The following PRKG1 variants were observed in gnomAD, a reference collection of about 807,000 sequenced individuals.
PRKG1 encodes cGMP-dependent protein kinase 1.
A neutral mutation model predicts 88.1 loss-of-function variants in PRKG1; 35 were observed. That is an observed-to-expected ratio of 0.40 (90% CI 0.30 to 0.53). PRKG1 has a LOEUF of 0.53. PRKG1 is among the 20% of genes least tolerant of loss of function. PRKG1 has a pLI of 0.59. For synonymous variants in PRKG1, 303 were observed against 292.5 expected (o/e 1.04, Z -0.37); for missense variants, 540 against 839.8 (o/e 0.64, Z 4.41).
chr10:51,989,240 A>T (rs149711840), intron 5 of PRKG1, among the ~76,000 whole-genome samples: 1 of 152,240 alleles, frequency 6.6e-6, no homozygotes, highest in Non-Finnish European at 1.5e-5. Context: ...AGGTGAAGCT[A>T]GATGGGTCTT....
chr10:51,480,320 G>T (rs192922274), intron 3 of PRKG1, among the ~76,000 whole-genome samples: 21 of 152,242 alleles, frequency 1.4e-4, no homozygotes, highest in Admixed American at 3.9e-4. Flanking sequence ...TTTGCCAAAG[G>T]TGTTCTTATA....
In PRKG1 at chr10:51,674,208, T is replaced by C. The variant is rs1182063605; in HGVS notation, c.593-130377T>C. ...ATTATACTTTAAGTTCTGGGGTACA[T>C]GTGCAGAATGTGCAGGTTTGTTCCA... On this transcript the variant is annotated intron_variant, in intron 3 of 17. Coordinates refer to ENST00000373980, the MANE Select transcript of PRKG1 (RefSeq NM_006258.4). Among the ~76,000 whole-genome samples the C allele has an allele frequency of 3.3e-5, 5 of 152,136 alleles. No individual in the cohort carries two copies. In the South Asian group the frequency reaches 1.0e-3, roughly 32 times the overall value.
chr10:51,901,726 T>C (rs778710579), intron 4 of PRKG1, among the ~76,000 whole-genome samples: 5 of 152,224 alleles, frequency 3.3e-5, no homozygotes, highest in Non-Finnish European at 7.3e-5. Flanking sequence ...CAAAATGGTG[T>C]CACAACTTAG....
intron 2 of PRKG1, among the ~76,000 whole-genome samples, chr10:51,428,519 C>A (rs1233013989): frequency 6.6e-6 from 1 of 152,124 alleles, no homozygotes; most frequent in Non-Finnish European, 1.5e-5. Flanking sequence ...ATAAAACAAC[C>A]ATTTCATTAC....
At chr10:51,312,408 C>A (rs7091469) in intron 2 of PRKG1, among the ~76,000 whole-genome samples, 4 of 152,062 alleles carry the variant, frequency 2.6e-5, no homozygotes, top group Non-Finnish European at 5.9e-5. Context: ...AGGAAAACTG[C>A]GCTATGACAA....
intron 5 of PRKG1, among the ~76,000 whole-genome samples, chr10:51,983,102 G>A (rs74132873): frequency 0.094 from 14,352 of 152,100 alleles, 1,821 homozygotes; most frequent in African/African-American, 0.28. Flanking sequence ...GGGGTTGGTC[G>A]GCTGTTCTCT....
chr10:51,137,094 C>G (rs1845705074), intron 1 of PRKG1, among the ~76,000 whole-genome samples: 1 of 151,962 alleles, frequency 6.6e-6, no homozygotes, highest in Non-Finnish European at 1.5e-5. Context: ...ACCGTGTTAA[C>G]CAGAATGGTC....
chr10:51,062,463 G>A (rs2132784816), intron 1 of PRKG1: 1 of 152,156 alleles, frequency 6.6e-6, no homozygotes. Context: ...CTGCTTGGGA[G>A]TTTTCCAATG....
At chr10:51,527,338 T>G (rs532971038) in intron 3 of PRKG1, among the ~76,000 whole-genome samples, 1 of 152,008 alleles carries the variant, frequency 6.6e-6, no homozygotes, top group African/African-American at 2.4e-5. Context: ...GATGATAAAA[T>G]GTAAACATGT....
intron 3 of PRKG1, among the ~76,000 whole-genome samples, chr10:51,565,893 TAATGAA>T (rs1233843906): frequency 2.0e-5 from 3 of 152,088 alleles, no homozygotes; most frequent in Non-Finnish European, 4.4e-5. Context: ...AAATACGCAA[TAATGAA>T]GTTGGCAGTG....
chr10:51,255,064 G>A (rs572436785), intron 2 of PRKG1, among the ~76,000 whole-genome samples: 2 of 152,126 alleles, frequency 1.3e-5, no homozygotes, highest in Non-Finnish European at 2.9e-5. Flanking sequence ...TAATGCAGTG[G>A]CCTTCCAGCA....
At chr10:51,578,865 C>T (rs1021047459) in intron 3 of PRKG1, among the ~76,000 whole-genome samples, 3 of 151,612 alleles carry the variant, frequency 2.0e-5, no homozygotes, top group Non-Finnish European at 2.9e-5. Context: ...TTGGGACCAA[C>T]CATAGACCAT....
At chr10:51,370,796 T>C (rs1024255718) in intron 2 of PRKG1, among the ~76,000 whole-genome samples, 3 of 152,144 alleles carry the variant, frequency 2.0e-5, no homozygotes, top group African/African-American at 7.2e-5. Context: ...TGAGGTTTTT[T>C]TTCACATTAA....
At chr10:51,929,346 CTTTTTTTTTTT>C (rs67175480) in intron 5 of PRKG1, among the ~76,000 whole-genome samples, 6 of 109,708 alleles carry the variant, frequency 5.5e-5, no homozygotes, top group Middle Eastern at 5.2e-3. Flanking sequence ...GAATTCCTTC[CTTTTTTTTTTT>C]TTTTTTTTTT....
At chr10:51,090,059 A>G (rs1264036097) in intron 1 of PRKG1, among the ~76,000 whole-genome samples, 2 of 152,182 alleles carry the variant, frequency 1.3e-5, no homozygotes, top group Non-Finnish European at 2.9e-5. Flanking sequence ...CTTTAGCACT[A>G]ACTAGGTGTG....
At chr10:51,882,937 AG>A (rs1462199891) in intron 4 of PRKG1, among the ~76,000 whole-genome samples, 1 of 152,202 alleles carries the variant, frequency 6.6e-6, no homozygotes, top group African/African-American at 2.4e-5. Flanking sequence ...GATTGGGCTA[AG>A]GGATGCCCAG....
intron 4 of PRKG1, among the ~76,000 whole-genome samples, chr10:51,883,139 C>T (rs949215787): frequency 3.9e-5 from 6 of 152,326 alleles, no homozygotes; most frequent in African/African-American, 1.2e-4. Flanking sequence ...GGACATTCAT[C>T]TTCTGTCTTC....
At chr10:51,711,615 C>G (rs1377986016) in intron 3 of PRKG1, among the ~76,000 whole-genome samples, 1 of 152,186 alleles carries the variant, frequency 6.6e-6, no homozygotes, top group Admixed American at 6.5e-5. Context: ...TAGTTCCCTC[C>G]TCATGGCTCC....
intron 3 of PRKG1, among the ~76,000 whole-genome samples, chr10:51,593,295 T>C (rs1397894811): frequency 4.6e-5 from 7 of 150,622 alleles, no homozygotes; most frequent in African/African-American, 1.5e-4. Flanking sequence ...AAGAGGGTAA[T>C]ACCCTATACT....
Sources: gnomAD v4.1 joint callset for allele counts (sites outside exome capture counted in the v4.1 genomes callset) on GRCh38, gnomAD v4.1.1 for gene constraint, MANE v1.5 for transcripts, NCBI Gene and HGNC (gene_info 2026-07-23, HGNC 2026-07-21) for gene names.